CTIF: variants seen among roughly 807,000 people sequenced by gnomAD.
CTIF encodes CBP80/20-dependent translation initiation factor.
A neutral mutation model predicts 66.0 loss-of-function variants in CTIF; 21 were observed. The observed-to-expected ratio is 0.32, with a 90% CI of 0.23 to 0.46. CTIF has a LOEUF of 0.46. Ranked by LOEUF, CTIF falls within the 20% of genes least tolerant of loss-of-function variation. The pLI is 1.00. For missense variants in CTIF, 739 were observed against 812.7 expected (o/e 0.91, Z 1.10); for synonymous variants, 345 against 326.4 (o/e 1.06, Z -0.62).
At chr18:48,670,793 C>A (rs2091521096) in intron 6 of CTIF, 49 bp downstream of exon 6, 1 of 1,504,272 alleles carries the variant, frequency 6.6e-7, no homozygotes, top group Non-Finnish European at 9.3e-7. Context: ...CCCCTGGAGT[C>A]CTGATCCTCT....
chr18:48,620,836 C>T (rs1397111326), intron 2 of CTIF, among the ~76,000 whole-genome samples: 1 of 152,038 alleles, frequency 6.6e-6, no homozygotes, highest in African/African-American at 2.4e-5. Context: ...TGGGTGGGAC[C>T]CCTAGCTTTT....
chr18:48,606,281 A>G (rs983320335), intron 1 of CTIF, among the ~76,000 whole-genome samples: 1 of 152,192 alleles, frequency 6.6e-6, no homozygotes, highest in African/African-American at 2.4e-5. Flanking sequence ...GGTTCATGCC[A>G]CAAGGAGTGG....
intron 10 of CTIF, among the ~76,000 whole-genome samples, chr18:48,856,457 C>T (rs911917293): frequency 2.6e-5 from 4 of 152,234 alleles, no homozygotes; most frequent in African/African-American, 9.6e-5. Flanking sequence ...GCCTGGTACA[C>T]GAAGGTTCAT....
chr18:48,855,029 C>T (rs1021439533), intron 10 of CTIF, among the ~76,000 whole-genome samples: 10 of 152,214 alleles, frequency 6.6e-5, no homozygotes, highest in African/African-American at 2.2e-4. Flanking sequence ...GCTGCATTTC[C>T]ACCGCCCTGG....
intron 7 of CTIF, among the ~76,000 whole-genome samples, chr18:48,722,602 A>G (rs903875109): frequency 6.6e-6 from 1 of 151,628 alleles, no homozygotes; most frequent in Non-Finnish European, 1.5e-5. Context: ...GTTGGTGCTC[A>G]CAGGTGTAAG....
rs201520218 is a variant in CTIF, at chr18:48,619,676, G to A, written c.111G>A (p.Val37=). 3 of 1,608,052 alleles carry A rather than the reference G, an allele frequency of 1.9e-6. No homozygotes were observed. Among genetic ancestry groups the A allele is most frequent in the East Asian group, 2.2e-5 (1 of 44,700 alleles). Residue 37 remains valine (V), a synonymous_variant, in exon 2 of 12, where the codon GTG becomes GTA. Coordinates refer to ENST00000256413, the MANE Select transcript of CTIF (RefSeq NM_014772.3). ...FIDSYVLEYQ[V]QGLLADKTEG... ...ACAGCTACGTGCTGGAGTACCAGGTGCAGGGGCTGCTGGCTGACAAGACGG... is the reference window on the plus strand; with the variant it reads ...ACAGCTACGTGCTGGAGTACCAGGTACAGGGGCTGCTGGCTGACAAGACGG...
intron 9 of CTIF, among the ~76,000 whole-genome samples, chr18:48,792,260 T>A (rs1185096627): frequency 1.3e-5 from 2 of 148,786 alleles, no homozygotes; most frequent in East Asian, 2.0e-4. Flanking sequence ...GAGGCAGGAG[T>A]GTGCCTGCCC....
intron 3 of CTIF, among the ~76,000 whole-genome samples, chr18:48,658,131 T>C (rs2091274829): frequency 6.6e-6 from 1 of 152,138 alleles, no homozygotes; most frequent in Admixed American, 6.5e-5. Context: ...TGTATGTGTA[T>C]GTGTGTGTGG....
intron 1 of CTIF, among the ~76,000 whole-genome samples, chr18:48,553,990 C>T (rs1472336086): frequency 6.6e-6 from 1 of 152,148 alleles, no homozygotes; most frequent in African/African-American, 2.4e-5. Flanking sequence ...GACCTCAGAG[C>T]TCCAGACTCC....
chr18:48,585,335 A>G (rs1334650537), intron 1 of CTIF, among the ~76,000 whole-genome samples: 1 of 152,256 alleles, frequency 6.6e-6, no homozygotes, highest in Non-Finnish European at 1.5e-5. Flanking sequence ...CACCTTTTAG[A>G]AAGTGGGGAA....
At chr18:48,607,440 A>G (rs1174243406) in intron 1 of CTIF, among the ~76,000 whole-genome samples, 3 of 152,214 alleles carry the variant, frequency 2.0e-5, no homozygotes, top group Non-Finnish European at 4.4e-5. Flanking sequence ...TGTGCCACCC[A>G]TCTGTGCCCA....
At chr18:48,782,725 A>G (rs535195906) in intron 9 of CTIF, among the ~76,000 whole-genome samples, 10 of 152,210 alleles carry the variant, frequency 6.6e-5, no homozygotes, top group Middle Eastern at 3.4e-3. Flanking sequence ...GTTCAGTCCA[A>G]CCTCGGCTTG....
chr18:48,785,000 C>T (rs1911575792), intron 9 of CTIF, among the ~76,000 whole-genome samples: 1 of 152,272 alleles, frequency 6.6e-6, no homozygotes, highest in Non-Finnish European at 1.5e-5. Flanking sequence ...AGCCTTGCTG[C>T]ATGCGTGAGC....
intron 7 of CTIF, among the ~76,000 whole-genome samples, chr18:48,752,810 T>C (rs1907968456): frequency 6.6e-6 from 1 of 152,216 alleles, no homozygotes. Flanking sequence ...GCTCCGTTAG[T>C]ATAGGTCACT....
At chr18:48,553,755 A>C (rs1359651870) in intron 1 of CTIF, among the ~76,000 whole-genome samples, 3 of 150,500 alleles carry the variant, frequency 2.0e-5, no homozygotes, top group Non-Finnish European at 4.4e-5. Flanking sequence ...TCCCGGGTTC[A>C]TGCTATTCTC....
intron 7 of CTIF, among the ~76,000 whole-genome samples, chr18:48,715,259 A>T (rs1159032019): frequency 6.6e-6 from 1 of 152,204 alleles, no homozygotes; most frequent in African/African-American, 2.4e-5. Context: ...TTGAAAAAAA[A>T]AAATTAAGCT....
At chr18:48,670,880 A>G in intron 6 of CTIF, 136 bp downstream of exon 6, 3 of 696,070 alleles carry the variant, frequency 4.3e-6, no homozygotes, top group Non-Finnish European at 7.5e-6. Context: ...GTATGGTAGT[A>G]ATAGGCAGGG....
intron 3 of CTIF, among the ~76,000 whole-genome samples, chr18:48,662,885 GTTTA>G (rs893063339): frequency 3.3e-5 from 5 of 152,086 alleles, no homozygotes; most frequent in African/African-American, 9.7e-5. Flanking sequence ...ACATACCACG[GTTTA>G]TTTATCGAAT....
chr18:48,673,194 G>A (rs940369437), intron 6 of CTIF, among the ~76,000 whole-genome samples: 4 of 152,160 alleles, frequency 2.6e-5, no homozygotes. Flanking sequence ...CCTGAGGGCT[G>A]GGCCATTTCC....
Sources: allele counts gnomAD v4.1 joint callset (sites outside exome capture counted in the v4.1 genomes callset), GRCh38; gene constraint gnomAD v4.1.1; transcripts MANE v1.5; gene names NCBI Gene and HGNC (gene_info 2026-07-23, HGNC 2026-07-21).